Variants in EPHA3 observed in about 807,000 individuals in gnomAD.
The protein encoded by EPHA3 is ephrin type-A receptor 3.
In EPHA3, 42 loss-of-function variants were observed where a neutral mutation model predicts 107.1. The ratio of observed to expected loss-of-function variants is 0.39; its 90% CI spans 0.31 to 0.51. EPHA3 has a LOEUF of 0.51. EPHA3 is among the 20% of genes least tolerant of loss of function. The pLI, the probability that EPHA3 is intolerant of heterozygous loss-of-function variation, is 0.78. For synonymous variants in EPHA3, 461 were observed against 424.8 expected (o/e 1.09, Z -1.05); for missense variants, 1,183 against 1,211.2 (o/e 0.98, Z 0.35).
Position 89,477,078 on chromosome 3 carries a change from G to A in EPHA3, c.2847-2319G>A, listed in dbSNP as rs901571481. ...AGACTCAAAAACTGACTTTGCTGTC[G>A]TTTGGGGATAAGTGGAGAAATGTTT... On this transcript the variant is annotated intron_variant, in intron 16 of 16. Coordinates refer to ENST00000336596, the MANE Select transcript of EPHA3 (RefSeq NM_005233.6). Among the ~76,000 whole-genome samples, 14 of 151,540 alleles carry A rather than the reference G, an allele frequency of 9.2e-5. 1 individual carries two copies. The Middle Eastern group carries it at 0.01, about 110-fold the overall frequency.
At chr3:89,143,624 G>A (rs1279976912) in intron 2 of EPHA3, among the ~76,000 whole-genome samples, 2 of 151,496 alleles carry the variant, frequency 1.3e-5, no homozygotes, top group Non-Finnish European at 3.0e-5. Flanking sequence ...CGGAAAAGTT[G>A]CAAAGATAGT....
chr3:89,371,842 T>G (rs1189306166), intron 5 of EPHA3, among the ~76,000 whole-genome samples: 2 of 151,572 alleles, frequency 1.3e-5, no homozygotes, highest in East Asian at 1.9e-4. Flanking sequence ...TAGTCAACAC[T>G]GCTTGCCTAT....
At chr3:89,353,838 TG>T (rs1707886742) in intron 5 of EPHA3, among the ~76,000 whole-genome samples, 1 of 151,358 alleles carries the variant, frequency 6.6e-6, no homozygotes. Flanking sequence ...GGAAGACAGT[TG>T]GAGAGCTTCA....
chr3:89,451,306 A>C (rs766916020), intron 15 of EPHA3, among the ~76,000 whole-genome samples: 9 of 152,182 alleles, frequency 5.9e-5, no homozygotes, highest in Non-Finnish European at 1.0e-4. Context: ...CAGTGGAAAA[A>C]AGAAGGAAGA....
chr3:89,311,287 C>T (rs1706760598), intron 3 of EPHA3, among the ~76,000 whole-genome samples: 1 of 151,996 alleles, frequency 6.6e-6, no homozygotes, highest in African/African-American at 2.4e-5. Context: ...GTTCTCCTAA[C>T]TATGAAACTT....
At chr3:89,132,198 A>G (rs1407194936) in intron 2 of EPHA3, among the ~76,000 whole-genome samples, 1 of 152,168 alleles carries the variant, frequency 6.6e-6, no homozygotes, top group Non-Finnish European at 1.5e-5. Flanking sequence ...TCTCGGGACT[A>G]GAAAGGCAGA....
chr3:89,120,000 A>C (rs538419593), intron 1 of EPHA3, among the ~76,000 whole-genome samples: 1 of 152,246 alleles, frequency 6.6e-6, no homozygotes, highest in East Asian at 1.9e-4. Context: ...CTCTGGCTGA[A>C]CAGATAGCCT....
intron 2 of EPHA3, among the ~76,000 whole-genome samples, chr3:89,146,054 C>T (rs1294438767): frequency 6.6e-6 from 1 of 151,860 alleles, no homozygotes; most frequent in African/African-American, 2.4e-5. Context: ...CAGAAGTCAA[C>T]AGAGGTCTGA....
At chr3:89,459,825 A>G (rs1295426036) in intron 15 of EPHA3, among the ~76,000 whole-genome samples, 3 of 152,166 alleles carry the variant, frequency 2.0e-5, no homozygotes, top group Admixed American at 1.3e-4. Flanking sequence ...ATCCAGCCCA[A>G]AGGGATGTTT....
At chr3:89,416,757 T>C in intron 10 of EPHA3, among the ~76,000 whole-genome samples, 1 of 151,490 alleles carries the variant, frequency 6.6e-6, no homozygotes, top group East Asian at 1.9e-4. Flanking sequence ...ACAATTTTCA[T>C]GAATTTCGAA....
At chr3:89,229,619 G>T (rs1253241378) in intron 3 of EPHA3, among the ~76,000 whole-genome samples, 1 of 151,144 alleles carries the variant, frequency 6.6e-6, no homozygotes, top group Non-Finnish European at 1.5e-5. Context: ...ACAATTTGCA[G>T]GCTTAAAGCA....
At chr3:89,372,315 A>G (rs747051028) in intron 5 of EPHA3, among the ~76,000 whole-genome samples, 1 of 151,674 alleles carries the variant, frequency 6.6e-6, no homozygotes, top group Non-Finnish European at 1.5e-5. Flanking sequence ...AGGCTTAAAG[A>G]CTTTATAGTG....
intron 12 of EPHA3, among the ~76,000 whole-genome samples, chr3:89,429,924 T>C (rs1409357858): frequency 1.3e-5 from 2 of 152,024 alleles, no homozygotes; most frequent in African/African-American, 4.8e-5. Context: ...CCATCATGCC[T>C]GGCTAGTTTT....
intron 2 of EPHA3, among the ~76,000 whole-genome samples, chr3:89,203,780 AAAAT>A (rs1423984775): frequency 6.6e-6 from 1 of 152,028 alleles, no homozygotes; most frequent in Non-Finnish European, 1.5e-5. Flanking sequence ...CTGTCTCAAA[AAAAT>A]AAATAAATAA....
rs1033732127 is a variant in EPHA3, at chr3:89,449,106, G to A, written c.2347-119G>A. The A allele has an allele frequency of 4.3e-6, 4 of 940,532 alleles. No individual in the cohort carries two copies. The African/African-American group carries it at 5.1e-5, about 12-fold the overall frequency. 58.3% of individuals were successfully genotyped at this position (940,532 alleles called of 1,614,324 possible). Reference sequence around the variant, plus strand: ...TAACATCAAAATGTTTCACAGAAATGCATATTCCATTTCAGAACAGAAATA... The same window carrying A: ...TAACATCAAAATGTTTCACAGAAATACATATTCCATTTCAGAACAGAAATA... On this transcript the variant is annotated intron_variant, in intron 13 of 16. Transcript: ENST00000336596.
intron 15 of EPHA3, among the ~76,000 whole-genome samples, chr3:89,471,757 A>T (rs1295544491): frequency 6.6e-6 from 1 of 151,842 alleles, no homozygotes; most frequent in Non-Finnish European, 1.5e-5. Flanking sequence ...GTGTGTGTAT[A>T]TATATAAAAT....
At chr3:89,127,380 A>C (rs1255355613) in intron 2 of EPHA3, 107 bp downstream of exon 2, 3 of 814,530 alleles carry the variant, frequency 3.7e-6, no homozygotes, top group Non-Finnish European at 6.0e-6. Flanking sequence ...TTCTGGTGAC[A>C]AATTATACTT....
chr3:89,398,300 A>G (rs566757245), intron 6 of EPHA3, among the ~76,000 whole-genome samples: 48 of 152,330 alleles, frequency 3.2e-4, no homozygotes, highest in Non-Finnish European at 4.9e-4. Context: ...AGCTCTGTGT[A>G]TAATAATATA....
Position 89,358,348 on chromosome 3 carries a change from G to A in EPHA3, c.1306+16258G>A, listed in dbSNP as rs369522926. Among the ~76,000 whole-genome samples, 93 of 150,928 alleles carry A rather than the reference G, an allele frequency of 6.2e-4. 4 individuals carry two copies. In the South Asian group the frequency reaches 0.019, roughly 30 times the overall value. ...TTTGGAACATTTAGCAGTAAATGTG[G>A]TCTAAAAAAAAACCCATTTAGATAA... On this transcript the variant is annotated intron_variant, in intron 5 of 16. Coordinates refer to ENST00000336596, the MANE Select transcript of EPHA3 (RefSeq NM_005233.6).
Sources: gnomAD v4.1 joint callset for allele counts (sites outside exome capture counted in the v4.1 genomes callset) on GRCh38, gnomAD v4.1.1 for gene constraint, MANE v1.5 for transcripts, NCBI Gene and HGNC (gene_info 2026-07-23, HGNC 2026-07-21) for gene names.